CTNNA2: variants seen among roughly 807,000 people sequenced by gnomAD.
CTNNA2 encodes the protein catenin alpha-2.
A neutral mutation model predicts 101.0 loss-of-function variants in CTNNA2; 42 were observed. The ratio of observed to expected loss-of-function variants is 0.42; its 90% CI spans 0.32 to 0.54. CTNNA2 has a LOEUF of 0.54. Among genes scored for constraint, CTNNA2 ranks in the 20% least tolerant of loss-of-function variants. The pLI is 0.14. For synonymous variants in CTNNA2, 450 were observed against 456.4 expected, an observed-to-expected ratio of 0.99 and a Z score of 0.18; for missense variants, 871 against 1,223.1, an observed-to-expected ratio of 0.71 and a Z score of 4.29.
In CTNNA2 at chr2:79,348,827, G is replaced by T. The variant is rs72818650; in HGVS notation, c.-317-25004G>T. ...TCCAGGACAATCTCTACACCACTTG[G>T]TGTCTTATTTGCCCCTCATCCCCCT... On this transcript the variant is annotated intron_variant, in intron 3 of 21. Transcript: ENST00000466387. Among the ~76,000 whole-genome samples the T allele has an allele frequency of 1.8e-3, 280 of 152,238 alleles. 3 individuals carry two copies. Among genetic ancestry groups the T allele is most frequent in the Non-Finnish European group, 2.9e-3 (197 of 68,014 alleles).
intron 7 of CTNNA2, among the ~76,000 whole-genome samples, chr2:80,334,330 G>C (rs981343889): frequency 6.6e-5 from 10 of 152,162 alleles, no homozygotes; most frequent in African/African-American, 2.2e-4. Context: ...TCCCAAATCT[G>C]GGCATATCTC....
intron 9 of CTNNA2, among the ~76,000 whole-genome samples, chr2:80,436,923 C>G (rs1186916687): frequency 6.6e-6 from 1 of 152,200 alleles, no homozygotes; most frequent in Non-Finnish European, 1.5e-5. Context: ...GACAATAGCA[C>G]TCCTCAAAAT....
In CTNNA2 at chr2:79,636,288, A is replaced by AG. The variant is rs1433801303; in HGVS notation, c.-5-15264_-5-15263insG. Reference sequence around the variant, plus strand: ...CTGTCTCAAAAAAAAAAAAAAAAAAAAAAAAAAAAAAGGAAGAAAAAGAAA... The same window carrying AG: ...CTGTCTCAAAAAAAAAAAAAAAAAAAGAAAAAAAAAAAGGAAGAAAAAGAAA... On this transcript the variant is annotated intron_variant, in intron 1 of 18. Coordinates refer to ENST00000402739, the MANE Select transcript of CTNNA2 (RefSeq NM_001282597.3). Among the ~76,000 whole-genome samples, 6 of 137,046 alleles carry AG rather than the reference A, an allele frequency of 4.4e-5. 1 individual carries two copies. The highest frequency in any genetic ancestry group is 1.7e-4 in the African/African-American group (6 of 35,252). The allele number at this position is 137,046 out of a possible 152,430, so 89.9% of individuals were successfully genotyped here.
chr2:79,802,609 A>G (rs1265169704), intron 3 of CTNNA2, among the ~76,000 whole-genome samples: 1 of 152,252 alleles, frequency 6.6e-6, no homozygotes, highest in East Asian at 1.9e-4. Context: ...ATGGTAATGA[A>G]GTTGCCTTTC....
intron 7 of CTNNA2, among the ~76,000 whole-genome samples, chr2:80,388,718 A>G (rs1198003602): frequency 6.6e-6 from 1 of 152,190 alleles, no homozygotes; most frequent in East Asian, 1.9e-4. Context: ...AACACCACAC[A>G]TTTTGCTTTT....
chr2:79,391,454 A>G (rs1328514151), intron 4 of CTNNA2, among the ~76,000 whole-genome samples: 2 of 152,202 alleles, frequency 1.3e-5, no homozygotes, highest in African/African-American at 4.8e-5. Flanking sequence ...AGAATACAGT[A>G]TATATAAAAA....
At chr2:79,828,003 C>T (rs1206097720) in intron 3 of CTNNA2, among the ~76,000 whole-genome samples, 1 of 152,180 alleles carries the variant, frequency 6.6e-6, no homozygotes, top group Non-Finnish European at 1.5e-5. Flanking sequence ...GTCTCTTATG[C>T]ATTCTTTTCT....
intron 2 of CTNNA2, among the ~76,000 whole-genome samples, chr2:79,679,844 C>A (rs547075344): frequency 6.6e-6 from 1 of 152,058 alleles, no homozygotes; most frequent in South Asian, 2.1e-4. Context: ...AGTCCTCCTG[C>A]GTCTTCTCCC....
At chr2:79,568,458 C>T (rs866137941) in intron 1 of CTNNA2, among the ~76,000 whole-genome samples, 1 of 151,544 alleles carries the variant, frequency 6.6e-6, no homozygotes, top group African/African-American at 2.4e-5. Context: ...AAAAAATTAG[C>T]CAGTAGTGGT....
chr2:80,610,108 G>GC (rs1325002191), intron 17 of CTNNA2, among the ~76,000 whole-genome samples: 3 of 151,628 alleles, frequency 2.0e-5, no homozygotes, highest in African/African-American at 7.3e-5. Context: ...TTATTCTGAG[G>GC]CAAATGCATT....
intron 3 of CTNNA2, among the ~76,000 whole-genome samples, chr2:79,346,148 T>A (rs1279096318): frequency 6.6e-6 from 1 of 152,150 alleles, no homozygotes; most frequent in Non-Finnish European, 1.5e-5. Flanking sequence ...GAAACATGAT[T>A]AAATACAGAA....
intron 2 of CTNNA2, among the ~76,000 whole-genome samples, chr2:79,265,085 A>G (rs1205022010): frequency 6.6e-6 from 1 of 152,152 alleles, no homozygotes; most frequent in African/African-American, 2.4e-5. Context: ...CTTCCAGTGT[A>G]ACAGTATTGA....
At chr2:80,542,308 CTT>C (rs1194526875) in intron 9 of CTNNA2, among the ~76,000 whole-genome samples, 2 of 151,836 alleles carry the variant, frequency 1.3e-5, no homozygotes, top group Non-Finnish European at 1.5e-5. Context: ...AGATCTATGT[CTT>C]TTTTCCAGCA....
intron 2 of CTNNA2, among the ~76,000 whole-genome samples, chr2:79,719,061 G>A (rs763626612): frequency 6.6e-6 from 1 of 151,894 alleles, no homozygotes; most frequent in Non-Finnish European, 1.5e-5. Context: ...CGCTCTAGTC[G>A]TTTACAGCAT....
chr2:80,278,143 C>T lies in CTNNA2; in HGVS notation c.1057-115068C>T, dbSNP rs111559760. Among the ~76,000 whole-genome samples, 1,038 of 152,066 alleles carry T rather than the reference C, an allele frequency of 6.8e-3. 10 individuals are homozygous for T. The highest frequency in any genetic ancestry group is 0.014 in the Middle Eastern group (4 of 294). ...TATGAAGTAGGGATATTAATAATTC[C>T]CTCATAGAGTATGGTAAAAATTCTG... On this transcript the variant is annotated intron_variant, in intron 7 of 18. Transcript: ENST00000402739.
intron 2 of CTNNA2, among the ~76,000 whole-genome samples, chr2:79,280,685 A>AGAGAGAG (rs1553390858): frequency 0.05 from 4,455 of 88,218 alleles, 229 homozygotes; most frequent in Non-Finnish European, 0.056. Flanking sequence ...GAGAGAGAGA[A>AGAGAGAG]AGAGAGAGAG....
At chr2:79,278,340 C>T (rs150283969) in intron 2 of CTNNA2, among the ~76,000 whole-genome samples, 2 of 152,042 alleles carry the variant, frequency 1.3e-5, no homozygotes, top group East Asian at 1.9e-4. Context: ...TGAGGAGAGA[C>T]GGGGAAGAAG....
intron 4 of CTNNA2, among the ~76,000 whole-genome samples, chr2:79,463,429 T>C (rs988029640): frequency 1.3e-5 from 2 of 151,228 alleles, no homozygotes; most frequent in Non-Finnish European, 2.9e-5. Flanking sequence ...GTCCTGCTCC[T>C]GATGTAGCTG....
chr2:80,363,004 CAA>C (rs35779761), intron 7 of CTNNA2, among the ~76,000 whole-genome samples: 10,589 of 114,336 alleles, frequency 0.093, 1,001 homozygotes, highest in African/African-American at 0.24. Context: ...GACATCGTCT[CAA>C]AAAAAAAAAA....
Sources: gnomAD v4.1 joint callset for allele counts (sites outside exome capture counted in the v4.1 genomes callset) on GRCh38, gnomAD v4.1.1 for gene constraint, MANE v1.5 for transcripts, NCBI Gene and HGNC (gene_info 2026-07-23, HGNC 2026-07-21) for gene names.